NAV2: variants seen among roughly 807,000 people sequenced by gnomAD.
NAV2 encodes neuron navigator 2, also known as helicase, APC down-regulated 1.
NAV2 carries 54 observed loss-of-function variants against 223.2 expected under a neutral mutation model. That is an observed-to-expected ratio of 0.24 (90% CI 0.19 to 0.30). NAV2 has a LOEUF of 0.30. NAV2 is among the 10% of genes least tolerant of loss of function. The pLI, the probability that NAV2 is intolerant of heterozygous loss-of-function variation, is 1.00. For synonymous variants in NAV2, 1,279 were observed against 1,239.3 expected (o/e 1.03, Z -0.67); for missense variants, 2,806 against 3,147.5 (o/e 0.89, Z 2.60).
At chr11:19,473,968 G>T (rs141787529) in intron 1 of NAV2, among the ~76,000 whole-genome samples, 31 of 152,256 alleles carry the variant, frequency 2.0e-4, no homozygotes, top group African/African-American at 7.2e-4. Context: ...TAGCTCCAGG[G>T]GTCCTCATCA....
chr11:19,401,240 A>G (rs781703456), intron 1 of NAV2, among the ~76,000 whole-genome samples: 1 of 152,260 alleles, frequency 6.6e-6, no homozygotes, highest in African/African-American at 2.4e-5. Flanking sequence ...GTGACTTAAG[A>G]CAAAAGCATT....
At chr11:19,942,677 C>A (rs2046499260) in intron 8 of NAV2, among the ~76,000 whole-genome samples, 1 of 152,140 alleles carries the variant, frequency 6.6e-6, no homozygotes, top group South Asian at 2.1e-4. Flanking sequence ...AGACACCATC[C>A]CCAACTCAAA....
chr11:19,381,572 G>A (rs1213075672), intron 1 of NAV2, among the ~76,000 whole-genome samples: 2 of 152,184 alleles, frequency 1.3e-5, no homozygotes, highest in Non-Finnish European at 2.9e-5. Flanking sequence ...GGGCCACCAA[G>A]CTTGCTGCCC....
chr11:19,956,648 G>A (rs2707087), intron 10 of NAV2, among the ~76,000 whole-genome samples: 138,174 of 152,230 alleles, frequency 0.91, 62,803 homozygotes, highest in East Asian at 0.98. Context: ...GTGTGGGGGC[G>A]GTGCAGAGCT....
intron 37 of NAV2, 24 bp from the exon 38 acceptor site, chr11:20,118,109 C>T (rs756193056): frequency 2.7e-5 from 43 of 1,598,510 alleles, no homozygotes; most frequent in Middle Eastern, 3.3e-4. Context: ...GAAAGCAGCT[C>T]ATGCTTCTCC....
intron 1 of NAV2, among the ~76,000 whole-genome samples, chr11:19,773,853 C>T (rs72913669): frequency 0.14 from 21,732 of 152,174 alleles, 1,689 homozygotes; most frequent in Middle Eastern, 0.22. Flanking sequence ...TAATTGGTCT[C>T]CCTTCCTCCA....
chr11:19,952,624 T>C (rs1484098735), intron 10 of NAV2, among the ~76,000 whole-genome samples: 2 of 152,352 alleles, frequency 1.3e-5, no homozygotes, highest in African/African-American at 4.8e-5. Context: ...TTAGAAAATC[T>C]GATATGGAAG....
chr11:19,628,341 G>C (rs1590723979), intron 1 of NAV2, among the ~76,000 whole-genome samples: 2 of 152,344 alleles, frequency 1.3e-5, no homozygotes, highest in East Asian at 1.9e-4. Flanking sequence ...CTTCCCCACT[G>C]CCCAGAGCCA....
rs534710397 is a variant in NAV2 at position 19,877,770 on chromosome 11, C to T, written c.512-2099C>T. Among the ~76,000 whole-genome samples, 5 of 152,198 alleles carry T rather than the reference C, an allele frequency of 3.3e-5. No individual in the cohort carries two copies. In the South Asian group the frequency reaches 1.0e-3, roughly 32 times the overall value. ...TACAGGCGTGAGCCACCGTGCCTGG[C>T]CGGCTTATCTTGATTCTGTCCCTAG... On this transcript the variant is annotated intron_variant, in intron 4 of 37. Transcript: ENST00000349880.
chr11:19,777,890 C>T (rs1439587570), intron 1 of NAV2: 1 of 455,952 alleles, frequency 2.2e-6, no homozygotes, highest in African/African-American at 2.0e-5. Context: ...CCGCGTCCCC[C>T]GAGCCCCCAT....
At chr11:19,569,131 G>A (rs2045354633) in intron 1 of NAV2, among the ~76,000 whole-genome samples, 1 of 152,192 alleles carries the variant, frequency 6.6e-6, no homozygotes, top group Non-Finnish European at 1.5e-5. Context: ...TAAAAATAAA[G>A]TGTTTATAGT....
intron 5 of NAV2, among the ~76,000 whole-genome samples, chr11:19,884,007 T>C (rs1269946819): frequency 1.3e-5 from 2 of 152,184 alleles, no homozygotes; most frequent in African/African-American, 4.8e-5. Context: ...ATTTTGAGAA[T>C]AAGGCCTTAA....
intron 2 of NAV2, among the ~76,000 whole-genome samples, chr11:19,835,221 G>A (rs895827941): frequency 6.6e-6 from 1 of 152,176 alleles, no homozygotes; most frequent in Admixed American, 6.5e-5. Flanking sequence ...CAGTTCCAGA[G>A]ACCCAAGTTA....
chr11:19,533,405 C>G (rs1193808502), intron 1 of NAV2, among the ~76,000 whole-genome samples: 1 of 152,090 alleles, frequency 6.6e-6, no homozygotes, highest in East Asian at 1.9e-4. Flanking sequence ...TATATCCACC[C>G]CCTTCTTCAA....
intron 1 of NAV2, among the ~76,000 whole-genome samples, chr11:19,634,258 A>G (rs1181592229): frequency 6.6e-6 from 1 of 152,210 alleles, no homozygotes. Flanking sequence ...TGTGTAGGTT[A>G]TCATCAAGGA....
intron 8 of NAV2, among the ~76,000 whole-genome samples, chr11:19,940,577 T>C (rs546025285): frequency 8.3e-4 from 127 of 152,364 alleles, no homozygotes; most frequent in African/African-American, 3.0e-3. Flanking sequence ...ATTCTTCTCA[T>C]ATCTTACCAC....
intron 1 of NAV2, among the ~76,000 whole-genome samples, chr11:19,731,963 A>G (rs1160624815): frequency 6.6e-6 from 1 of 152,192 alleles, no homozygotes; most frequent in Admixed American, 6.5e-5. Flanking sequence ...TGGCTTGTAC[A>G]GTATTTTGCT....
intron 6 of NAV2, among the ~76,000 whole-genome samples, chr11:19,899,964 C>G (rs541368568): frequency 8.5e-4 from 130 of 152,236 alleles, no homozygotes; most frequent in African/African-American, 3.1e-3. Context: ...AGATCTTTGT[C>G]ATTGCTGGAG....
At chr11:19,741,703 A>G (rs1261736864) in intron 1 of NAV2, among the ~76,000 whole-genome samples, 7 of 122,386 alleles carry the variant, frequency 5.7e-5, no homozygotes, top group South Asian at 2.4e-4. Context: ...ATATATATAT[A>G]TATATATATA....
Sources: gnomAD v4.1 joint callset for allele counts (sites outside exome capture counted in the v4.1 genomes callset) on GRCh38, gnomAD v4.1.1 for gene constraint, MANE v1.5 for transcripts, NCBI Gene and HGNC (gene_info 2026-07-23, HGNC 2026-07-21) for gene names.